The following ZMIZ1 variants were observed in gnomAD, a reference collection of about 807,000 sequenced individuals.
ZMIZ1 encodes zinc finger MIZ domain-containing protein 1.
A neutral mutation model predicts 113.9 loss-of-function variants in ZMIZ1; 17 were observed. The ratio of observed to expected loss-of-function variants is 0.15; its 90% CI spans 0.10 to 0.22. The LOEUF is 0.22. Ranked by LOEUF, ZMIZ1 falls within the 10% of genes least tolerant of loss-of-function variation. The pLI is 1.00. For missense variants in ZMIZ1, 1,059 were observed against 1,477.8 expected (o/e 0.72, Z 4.65); for synonymous variants, 607 against 603.1 (o/e 1.01, Z -0.09).
chr10:79,261,904 G>A (rs572177468), intron 7 of ZMIZ1, among the ~76,000 whole-genome samples: 2 of 152,318 alleles, frequency 1.3e-5, no homozygotes, highest in Admixed American at 6.5e-5. Flanking sequence ...ATAACTAGTA[G>A]ATAAAGCCAG....
chr10:79,277,279 C>G lies in ZMIZ1; in HGVS notation c.379C>G (p.Pro127Ala). ...SDPPGKLPMQ[P>A]PLSSMSSMKP... is the part of the protein sequence containing the mutation. ...TCCCCCTGGGAAACTCCCCATGCAG[C>G]CCCCTCTCAGCTCCATGAGCTCCAT... Residue 127 changes from proline (P) to alanine (A), a missense_variant, in exon 8 of 25, where the codon CCC (proline) becomes GCC (alanine). By Grantham distance (27) the Pro-to-Ala change is conservative. Coordinates refer to ENST00000334512, the MANE Select transcript of ZMIZ1 (RefSeq NM_020338.4). 6.3e-7 allele frequency: 1 copy of G among 1,599,648 alleles called. No individual in the cohort carries two copies. The highest frequency in any genetic ancestry group is 8.5e-7 in the Non-Finnish European group (1 of 1,174,324).
At chr10:79,262,741 A>G (rs1851346840) in intron 7 of ZMIZ1, among the ~76,000 whole-genome samples, 1 of 152,202 alleles carries the variant, frequency 6.6e-6, no homozygotes, top group African/African-American at 2.4e-5. Flanking sequence ...AAAGAGTGAC[A>G]TGTATTCTCC....
At chr10:79,144,365 G>GACT (rs1258495495) in intron 3 of ZMIZ1, among the ~76,000 whole-genome samples, 1 of 152,190 alleles carries the variant, frequency 6.6e-6, no homozygotes, top group Admixed American at 6.5e-5. Flanking sequence ...GACTGTCTTA[G>GACT]ACTATCCAGG....
intron 7 of ZMIZ1, among the ~76,000 whole-genome samples, chr10:79,248,487 C>T (rs895117456): frequency 6.6e-6 from 1 of 152,146 alleles, no homozygotes; most frequent in Non-Finnish European, 1.5e-5. Flanking sequence ...ACTCCTCCTG[C>T]TTCTAGGAGC....
At chr10:79,151,617 G>T (rs1025089759) in intron 3 of ZMIZ1, among the ~76,000 whole-genome samples, 2 of 152,204 alleles carry the variant, frequency 1.3e-5, no homozygotes, top group African/African-American at 2.4e-5. Context: ...GTGCCTGTCC[G>T]CAAGGCTGGA....
At chr10:79,265,012 TG>T (rs1851503141) in intron 7 of ZMIZ1, among the ~76,000 whole-genome samples, 1 of 152,100 alleles carries the variant, frequency 6.6e-6, no homozygotes, top group South Asian at 2.1e-4. Flanking sequence ...CAGCCTCCAC[TG>T]GGTGAGGCAT....
intron 1 of ZMIZ1, among the ~76,000 whole-genome samples, chr10:79,075,068 G>A (rs1364639722): frequency 6.6e-6 from 1 of 152,206 alleles, no homozygotes; most frequent in African/African-American, 2.4e-5. Context: ...AGGCTGTTGA[G>A]GACAGACGGT....
At chr10:79,224,176 G>A (rs1375725362) in intron 7 of ZMIZ1, among the ~76,000 whole-genome samples, 3 of 152,198 alleles carry the variant, frequency 2.0e-5, no homozygotes, top group South Asian at 2.1e-4. Flanking sequence ...AAAACAAAAC[G>A]TACATGTATT....
chr10:79,072,533 G>A (rs980857939), intron 1 of ZMIZ1, among the ~76,000 whole-genome samples: 37 of 152,184 alleles, frequency 2.4e-4, no homozygotes, highest in African/African-American at 8.7e-4. Flanking sequence ...GAATACCTGC[G>A]TATAAAGCCA....
At chr10:79,183,668 G>T (rs1847227835) in intron 4 of ZMIZ1, among the ~76,000 whole-genome samples, 1 of 152,228 alleles carries the variant, frequency 6.6e-6, no homozygotes, top group African/African-American at 2.4e-5. Context: ...TGGCTGTGTT[G>T]CTTTCAATGC....
chr10:79,195,682 TGTAA>T (rs1443487299), intron 4 of ZMIZ1, among the ~76,000 whole-genome samples: 1 of 152,190 alleles, frequency 6.6e-6, no homozygotes, highest in African/African-American at 2.4e-5. Flanking sequence ...AGCCCAGTGA[TGTAA>T]GTGACTGGAT....
intron 2 of ZMIZ1, among the ~76,000 whole-genome samples, chr10:79,127,421 C>A (rs1844567256): frequency 6.6e-6 from 1 of 152,206 alleles, no homozygotes; most frequent in African/African-American, 2.4e-5. Flanking sequence ...CCAGCTCAGG[C>A]CCCGTCAGAT....
intron 8 of ZMIZ1, chr10:79,285,451 A>C (rs965279612): frequency 2.2e-6 from 1 of 455,894 alleles, no homozygotes; most frequent in African/African-American, 2.0e-5. Context: ...CCCATTTCAT[A>C]GATGAGGTTG....
intron 7 of ZMIZ1, among the ~76,000 whole-genome samples, chr10:79,244,125 A>T (rs1474398354): frequency 1.3e-5 from 2 of 152,236 alleles, no homozygotes; most frequent in Non-Finnish European, 2.9e-5. Flanking sequence ...AGGGTCCTCG[A>T]CTTCAAGCTG....
chr10:79,266,828 A>G (rs1049761775), intron 7 of ZMIZ1, among the ~76,000 whole-genome samples: 17 of 152,218 alleles, frequency 1.1e-4, no homozygotes, highest in Non-Finnish European at 2.9e-5. Flanking sequence ...CCAGAGCCCC[A>G]GCCTCCAGCC....
At chr10:79,198,742 A>G (rs1248761650) in intron 4 of ZMIZ1, among the ~76,000 whole-genome samples, 1 of 152,242 alleles carries the variant, frequency 6.6e-6, no homozygotes, top group Admixed American at 6.5e-5. Context: ...CTGCAATGAT[A>G]AAAATTTGGA....
At chr10:79,191,528 C>T (rs142160332) in intron 4 of ZMIZ1, among the ~76,000 whole-genome samples, 56 of 152,332 alleles carry the variant, frequency 3.7e-4, no homozygotes, top group African/African-American at 1.3e-3. Context: ...GACAGGGACA[C>T]TGCATGAGCA....
At chr10:79,131,642 C>T (rs1354815539) in intron 2 of ZMIZ1, among the ~76,000 whole-genome samples, 2 of 152,112 alleles carry the variant, frequency 1.3e-5, no homozygotes, top group African/African-American at 2.4e-5. Flanking sequence ...CTCTGCATGG[C>T]CCCCTCTGCT....
At chr10:79,258,607 T>C (rs1851063816) in intron 7 of ZMIZ1, among the ~76,000 whole-genome samples, 1 of 152,200 alleles carries the variant, frequency 6.6e-6, no homozygotes, top group South Asian at 2.1e-4. Context: ...TGGTTGGTGA[T>C]TGTCATGCGT....
Sources: gnomAD v4.1 joint callset for allele counts (sites outside exome capture counted in the v4.1 genomes callset) on GRCh38, gnomAD v4.1.1 for gene constraint, MANE v1.5 for transcripts, NCBI Gene and HGNC (gene_info 2026-07-23, HGNC 2026-07-21) for gene names.